Variants in SV2C observed in about 807,000 individuals in gnomAD.
SV2C encodes synaptic vesicle glycoprotein 2C.
SV2C carries 49 observed loss-of-function variants against 79.7 expected under a neutral mutation model. The observed-to-expected ratio is 0.61, with a 90% CI of 0.49 to 0.78. The LOEUF is 0.78. SV2C is among the 30% of genes least tolerant of loss of function. SV2C has a pLI of 0.00. For missense variants in SV2C, 833 were observed against 912.9 expected (o/e 0.91, Z 1.13); for synonymous variants, 334 against 333.2 (o/e 1.00, Z -0.03).
At chr5:76,192,461 C>T (rs1355792343) in intron 2 of SV2C, among the ~76,000 whole-genome samples, 2 of 152,176 alleles carry the variant, frequency 1.3e-5, no homozygotes, top group East Asian at 3.9e-4. Flanking sequence ...CATCTCAAGG[C>T]ACAGAGAGAG....
chr5:76,192,078 T>G (rs1010369203), intron 2 of SV2C, among the ~76,000 whole-genome samples: 6 of 152,206 alleles, frequency 3.9e-5, no homozygotes, highest in Non-Finnish European at 7.3e-5. Flanking sequence ...TAAAATACTC[T>G]GTAGCCTTCA....
chr5:75,998,198 G>A, the SV2C span, among the ~76,000 whole-genome samples: 1 of 152,072 alleles, frequency 6.6e-6, no homozygotes. Context: ...ATACGGGGTG[G>A]GAGGAAGGGG....
chr5:76,195,131 T>C (rs755539417), intron 3 of SV2C, 32 bp downstream of exon 3: 2 of 1,602,678 alleles, frequency 1.2e-6, no homozygotes. Context: ...TTTATAGTAA[T>C]GTGTTTATTC....
chr5:75,976,445 A>T, the SV2C span, among the ~76,000 whole-genome samples: 2 of 151,808 alleles, frequency 1.3e-5, no homozygotes, highest in African/African-American at 2.4e-5. Flanking sequence ...TTAATTCATA[A>T]TTTTTTCTGT....
At chr5:75,934,181 C>T in the SV2C span, among the ~76,000 whole-genome samples, 1 of 152,052 alleles carries the variant, frequency 6.6e-6, no homozygotes, top group Admixed American at 6.5e-5. Flanking sequence ...ATTGCAGGAG[C>T]AATGAGCACC....
At chr5:76,036,225 G>C in the SV2C span, among the ~76,000 whole-genome samples, 6 of 151,706 alleles carry the variant, frequency 4.0e-5, no homozygotes, top group African/African-American at 1.2e-4. Flanking sequence ...CTTTTAATTG[G>C]AGCATTTAGT....
upstream of SV2C, chr5:76,078,817 A>G (rs1003239996): frequency 6.8e-6 from 4 of 587,220 alleles, no homozygotes; most frequent in African/African-American, 7.5e-5. Context: ...AGCAACCTAC[A>G]GACAGAAACA....
At chr5:76,215,028 T>C (rs1744875081) in intron 4 of SV2C, among the ~76,000 whole-genome samples, 1 of 152,220 alleles carries the variant, frequency 6.6e-6, no homozygotes, top group Non-Finnish European at 1.5e-5. Context: ...GCCTAATTGC[T>C]CTGGCTAGGA....
the SV2C span, among the ~76,000 whole-genome samples, chr5:76,056,682 A>G: frequency 8.7e-6 from 1 of 114,824 alleles, no homozygotes; most frequent in Non-Finnish European, 1.7e-5. Context: ...CCTCAATTTC[A>G]GAACTTGTTA....
At chr5:75,971,495 A>G in the SV2C span, among the ~76,000 whole-genome samples, 36 of 152,230 alleles carry the variant, frequency 2.4e-4, 1 homozygote, top group South Asian at 6.6e-3. Flanking sequence ...TACAAAATCA[A>G]TGTGCAAAAA....
At chr5:76,039,567 A>G in the SV2C span, among the ~76,000 whole-genome samples, 1 of 151,930 alleles carries the variant, frequency 6.6e-6, no homozygotes, top group Non-Finnish European at 1.5e-5. Flanking sequence ...ACCAGCCTGG[A>G]CAACATGGTG....
At chr5:75,924,531 C>T in the SV2C span, among the ~76,000 whole-genome samples, 1 of 152,162 alleles carries the variant, frequency 6.6e-6, no homozygotes, top group Non-Finnish European at 1.5e-5. Flanking sequence ...TAATAAATGT[C>T]AAGCCCATGC....
chr5:75,998,499 G>T, the SV2C span, among the ~76,000 whole-genome samples: 7 of 152,236 alleles, frequency 4.6e-5, no homozygotes, highest in African/African-American at 1.4e-4. Context: ...AGCCATAAAT[G>T]GATGAATCAT....
rs908973575 is a variant in SV2C at position 76,328,847 on chromosome 5, C to T, written c.*3300C>T. 1.3e-5 allele frequency: 2 copies of T among 152,010 alleles called. 1 individual carries two copies. Among genetic ancestry groups the T allele is most frequent in the Non-Finnish European group, 2.9e-5 (2 of 68,052 alleles). The allele number at this position is 152,010 out of a possible 1,614,324, so 9.4% of individuals were successfully genotyped here. On this transcript the variant is annotated 3_prime_UTR_variant, in exon 13 of 13. Coordinates refer to ENST00000502798, the MANE Select transcript of SV2C (RefSeq NM_014979.4). ...TGGTGGGAACTCTGCTCACTGCAAC[C>T]TCCGCCTCCCAGGTTCAAGTGATTC... is the stretch of plus-strand genomic sequence containing the variant.
chr5:75,972,442 A>G, the SV2C span, among the ~76,000 whole-genome samples: 1 of 152,166 alleles, frequency 6.6e-6, no homozygotes, highest in African/African-American at 2.4e-5. Flanking sequence ...ACAAAGGGCT[A>G]ATATCCAGAA....
chr5:76,191,885 C>T (rs1477991670), intron 2 of SV2C, among the ~76,000 whole-genome samples: 1 of 152,166 alleles, frequency 6.6e-6, no homozygotes, highest in Non-Finnish European at 1.5e-5. Flanking sequence ...TGAAAGGACA[C>T]AAGAGTCACA....
At chr5:75,950,062 G>T in the SV2C span, among the ~76,000 whole-genome samples, 7 of 152,040 alleles carry the variant, frequency 4.6e-5, no homozygotes, top group African/African-American at 1.7e-4. Context: ...AAAAAAGCCT[G>T]AGTCTTGATG....
At chr5:76,318,671 C>T (rs1200644024) in intron 12 of SV2C, among the ~76,000 whole-genome samples, 2 of 152,056 alleles carry the variant, frequency 1.3e-5, no homozygotes, top group African/African-American at 4.8e-5. Flanking sequence ...TCACAGGGTA[C>T]TTTTGGGGGA....
At chr5:76,139,520 C>T (rs10514060) in intron 2 of SV2C, among the ~76,000 whole-genome samples, 17,808 of 152,126 alleles carry the variant, frequency 0.12, 1,140 homozygotes, top group Non-Finnish European at 0.14. Context: ...TTCTATCAGT[C>T]GTGGTGAGGT....
Sources: allele counts gnomAD v4.1 joint callset (sites outside exome capture counted in the v4.1 genomes callset), GRCh38; gene constraint gnomAD v4.1.1; transcripts MANE v1.5; gene names NCBI Gene and HGNC (gene_info 2026-07-23, HGNC 2026-07-21).